The following ATG7 variants were observed in gnomAD, a reference collection of about 807,000 sequenced individuals.
ATG7 encodes autophagy related 7, also known as ubiquitin-like modifier-activating enzyme ATG7.
Under a neutral mutation model 82.4 loss-of-function variants are expected in ATG7, and 70 were observed. That is an observed-to-expected ratio of 0.85 (90% CI 0.70 to 1.04). ATG7 has a LOEUF of 1.04. ATG7 is among the 50% of genes least tolerant of loss of function. The probability of loss-of-function intolerance (pLI) is 0.00; values close to 1 mark genes in which losing one functional copy is unlikely to be tolerated. For synonymous variants in ATG7, 287 were observed against 313.0 expected (o/e 0.92, Z 0.88); for missense variants, 792 against 864.3 (o/e 0.92, Z 1.05).
chr3:11,520,935 G>A (rs999217092), intron 20 of ATG7, among the ~76,000 whole-genome samples: 3 of 152,180 alleles, frequency 2.0e-5, no homozygotes, highest in Admixed American at 1.3e-4. Context: ...AAACAAGTGA[G>A]CATTTCCTTG....
intron 5 of ATG7, among the ~76,000 whole-genome samples, chr3:11,305,977 G>A (rs1379757698): frequency 1.3e-5 from 2 of 152,204 alleles, no homozygotes; most frequent in East Asian, 1.9e-4. Flanking sequence ...GGCTACTAAT[G>A]AAATGAATAT....
At chr3:11,503,758 A>G (rs1293019275) in intron 20 of ATG7, among the ~76,000 whole-genome samples, 1 of 145,730 alleles carries the variant, frequency 6.9e-6, no homozygotes, top group African/African-American at 2.7e-5. Flanking sequence ...TCTGTCTCAA[A>G]AAAAAAAAAA....
At chr3:11,513,090 G>A (rs1306409674) in intron 20 of ATG7, among the ~76,000 whole-genome samples, 3 of 152,204 alleles carry the variant, frequency 2.0e-5, no homozygotes, top group Non-Finnish European at 2.9e-5. Context: ...CCTTGAGCTA[G>A]ATACAGAGTG....
intron 7 of ATG7, among the ~76,000 whole-genome samples, chr3:11,312,723 T>G (rs1398128596): frequency 6.6e-6 from 1 of 152,266 alleles, no homozygotes; most frequent in Non-Finnish European, 1.5e-5. Context: ...ATTTCAGGCA[T>G]GCATACATAT....
intron 19 of ATG7, among the ~76,000 whole-genome samples, chr3:11,424,268 T>A (rs1246180517): frequency 6.6e-6 from 1 of 152,198 alleles, no homozygotes; most frequent in Non-Finnish European, 1.5e-5. Context: ...GATTTTAGTA[T>A]TTTTATATTA....
At chr3:11,388,047 A>G (rs1486650366) in intron 19 of ATG7, among the ~76,000 whole-genome samples, 2 of 152,116 alleles carry the variant, frequency 1.3e-5, no homozygotes, top group East Asian at 1.9e-4. Flanking sequence ...CTAGTAAAGC[A>G]CCATTGCTCT....
At chr3:11,311,289 AC>A (rs1490545632) in intron 7 of ATG7, among the ~76,000 whole-genome samples, 2 of 152,142 alleles carry the variant, frequency 1.3e-5, no homozygotes, top group Non-Finnish European at 2.9e-5. Flanking sequence ...TTTGAAAATG[AC>A]CTGATAAAGT....
chr3:11,352,667 G>T (rs2075650380), intron 14 of ATG7, among the ~76,000 whole-genome samples: 1 of 152,172 alleles, frequency 6.6e-6, no homozygotes, highest in African/African-American at 2.4e-5. Flanking sequence ...AACAAGACAT[G>T]GTTCTGCCCT....
chr3:11,426,817 A>G lies in ATG7; in HGVS notation c.1970A>G (p.Tyr657Cys). 3 of 1,602,880 alleles carry G rather than the reference A, an allele frequency of 1.9e-6. No homozygotes were observed. Among genetic ancestry groups the G allele is most frequent in the Non-Finnish European group, 1.7e-6 (2 of 1,176,128 alleles). ...AATGTTTTACAGGTTCTTGATCAAT[A>G]TGAACGAGAAGGATTTAACTTCCTA... ...TACSSKVLDQYEREGFNFLAK... is the reference protein window; with the variant it reads ...TACSSKVLDQCEREGFNFLAK... Residue 657 changes from tyrosine to cysteine, a missense_variant, in exon 20 of 21, where the codon TAT becomes TGT. Tyr to Cys is a radical substitution (Grantham distance 194, BLOSUM62 -2). Coordinates refer to ENST00000693202, the MANE Select transcript of ATG7 (RefSeq NM_001349232.2).
chr3:11,562,351 T>G (rs1015816585), downstream of ATG7, among the ~76,000 whole-genome samples: 1 of 152,136 alleles, frequency 6.6e-6, no homozygotes, highest in Non-Finnish European at 1.5e-5. Flanking sequence ...CTGGGAACTT[T>G]CCTGTCCCAG....
At chr3:11,379,927 T>C (rs757070974) in intron 18 of ATG7, 45 bp from the exon 19 acceptor site, 2 of 1,572,338 alleles carry the variant, frequency 1.3e-6, no homozygotes, top group Non-Finnish European at 1.8e-6. Flanking sequence ...ATAGATGTGG[T>C]CGTTGTGTGT....
chr3:11,526,025 T>C (rs900421004), intron 20 of ATG7, among the ~76,000 whole-genome samples: 4 of 152,160 alleles, frequency 2.6e-5, no homozygotes, highest in Non-Finnish European at 5.9e-5. Context: ...TGTGCTGATA[T>C]AAATGTGATA....
intron 20 of ATG7, among the ~76,000 whole-genome samples, chr3:11,448,868 G>T (rs188768918): frequency 2.5e-4 from 38 of 152,236 alleles, no homozygotes; most frequent in Non-Finnish European, 4.7e-4. Flanking sequence ...TCCAAGGCAG[G>T]CCCTGGGGGT....
intron 14 of ATG7, among the ~76,000 whole-genome samples, chr3:11,357,320 TAA>T (rs1420564441): frequency 7.2e-5 from 11 of 152,158 alleles, no homozygotes; most frequent in Non-Finnish European, 1.6e-4. Context: ...GGGCAGATGG[TAA>T]ATTATAAAGC....
Position 11,504,848 on chromosome 3 carries a change from T to G in ATG7, c.2080-49963T>G, listed in dbSNP as rs112652676. On this transcript the variant is annotated intron_variant, in intron 20 of 20. Transcript: ENST00000693202. ...AAATAATGTCAACACTGGATGTAGA[T>G]CTAACCAAAATTATAGTATAATTAT... Among the ~76,000 whole-genome samples, 1,418 of 152,236 alleles carry G rather than the reference T, an allele frequency of 9.3e-3. 20 individuals carry two copies. The highest frequency in any genetic ancestry group is 0.033 in the African/African-American group (1,357 of 41,520).
At chr3:11,375,956 AT>A (rs1439728176) in intron 18 of ATG7, among the ~76,000 whole-genome samples, 1 of 152,230 alleles carries the variant, frequency 6.6e-6, no homozygotes, top group Non-Finnish European at 1.5e-5. Context: ...TCCTAGGTAT[AT>A]TTCCAAGAGA....
chr3:11,406,567 G>A (rs1483800148), intron 19 of ATG7, among the ~76,000 whole-genome samples: 1 of 152,180 alleles, frequency 6.6e-6, no homozygotes, highest in Non-Finnish European at 1.5e-5. Context: ...CTCGGCCTCT[G>A]TATTAGTCCA....
At chr3:11,332,368 G>A (rs1951777345) in intron 10 of ATG7, among the ~76,000 whole-genome samples, 1 of 152,204 alleles carries the variant, frequency 6.6e-6, no homozygotes, top group African/African-American at 2.4e-5. Flanking sequence ...TACTTTTGAA[G>A]GCAGTGGTTA....
At chr3:11,477,432 A>G (rs2153026349) in intron 20 of ATG7, 1 of 544,274 alleles carries the variant, frequency 1.8e-6, no homozygotes, top group Non-Finnish European at 2.4e-6. Context: ...TTTAAACACA[A>G]GCATCAGCAT....
Sources: allele counts gnomAD v4.1 joint callset (sites outside exome capture counted in the v4.1 genomes callset), GRCh38; gene constraint gnomAD v4.1.1; transcripts MANE v1.5; gene names NCBI Gene and HGNC (gene_info 2026-07-23, HGNC 2026-07-21).